ARFGEF2: variants seen among roughly 807,000 people sequenced by gnomAD.
ARFGEF2 encodes the protein brefeldin A-inhibited guanine nucleotide-exchange protein 2.
A neutral mutation model predicts 219.9 loss-of-function variants in ARFGEF2; 74 were observed. That is an observed-to-expected ratio of 0.34 (90% confidence interval 0.28 to 0.41). ARFGEF2 has a LOEUF of 0.41. Among genes scored for constraint, ARFGEF2 ranks in the 10% least tolerant of loss-of-function variants. The pLI is 1.00. For missense variants in ARFGEF2, 1,743 were observed against 2,218.3 expected, an observed-to-expected ratio of 0.79 and a Z score of 4.30; for synonymous variants, 733 against 799.2, an observed-to-expected ratio of 0.92 and a Z score of 1.40.
In ARFGEF2 at chr20:48,989,297, A is replaced by G; in HGVS notation, c.2546A>G (p.Glu849Gly). Residue 849 changes from glutamate (E) to glycine (G), a missense_variant, in exon 19 of 39, where the codon GAA becomes GGA. Glu to Gly is a moderately conservative substitution (Grantham distance 98). Transcript: ENST00000371917. ...TCTTACTTTACAGATGTAGCTAGTG[A>G]AAAGCAGCGGCGGCTGCTGTACAAC... ...TKSTKQNVASEKQRRLLYNLE... is the reference protein window; with the variant it reads ...TKSTKQNVASGKQRRLLYNLE... 1 of 1,614,216 alleles carries G rather than the reference A, an allele frequency of 6.2e-7. No homozygotes were observed. The highest frequency in any genetic ancestry group is 8.5e-7 in the Non-Finnish European group (1 of 1,180,042).
At position 49,004,835 on chromosome 20, in the gene ARFGEF2, G is replaced by A. The variant is rs4810909; in HGVS notation, c.3433-235G>A. ...TAATAAAATGAAATTTAAAAAAGCA[G>A]AAAGTAGCACATTTTAAATGCATAT... is the stretch of plus-strand genomic sequence containing the variant. On this transcript the variant is annotated intron_variant, in intron 25 of 38. Transcript: ENST00000371917. Among the ~76,000 whole-genome samples the A allele has an allele frequency of 0.68, 103,827 of 152,044 alleles. 36,843 individuals are homozygous for A. Among genetic ancestry groups the A allele is most frequent in the African/African-American group, 0.9 (37,252 of 41,520 alleles).
At chr20:48,963,026 A>G (rs531083203) in intron 6 of ARFGEF2, among the ~76,000 whole-genome samples, 30 of 152,152 alleles carry the variant, frequency 2.0e-4, no homozygotes, top group Middle Eastern at 3.4e-3. Flanking sequence ...TAGGCAACAT[A>G]GAGAAACCTC....
intron 3 of ARFGEF2, among the ~76,000 whole-genome samples, chr20:48,950,138 C>T (rs1177750147): frequency 6.6e-6 from 1 of 152,106 alleles, no homozygotes; most frequent in Non-Finnish European, 1.5e-5. Flanking sequence ...GCTGACATCC[C>T]GGTTGTGTGT....
At chr20:48,952,346 G>C (rs564087627) in intron 4 of ARFGEF2, among the ~76,000 whole-genome samples, 2 of 151,920 alleles carry the variant, frequency 1.3e-5, no homozygotes, top group Admixed American at 1.3e-4. Flanking sequence ...AATAGAGATG[G>C]GGTTTTACCA....
At chr20:48,925,043 C>G (rs1264871000) in intron 1 of ARFGEF2, among the ~76,000 whole-genome samples, 1 of 152,118 alleles carries the variant, frequency 6.6e-6, no homozygotes, top group African/African-American at 2.4e-5. Flanking sequence ...ACTTACTGCT[C>G]TATTTGGTTT....
chr20:48,944,041 G>T (rs923259488), intron 3 of ARFGEF2, among the ~76,000 whole-genome samples: 16 of 152,250 alleles, frequency 1.1e-4, no homozygotes, highest in South Asian at 6.2e-4. Context: ...TCTCTTCTTT[G>T]TTACATGTAC....
At chr20:48,939,768 A>G (rs1201534594) in intron 1 of ARFGEF2, among the ~76,000 whole-genome samples, 2 of 152,208 alleles carry the variant, frequency 1.3e-5, no homozygotes, top group African/African-American at 2.4e-5. Context: ...AGAAATTGCT[A>G]CTTCCAGTGA....
In ARFGEF2 at chr20:48,974,815, A is replaced by G. The variant is rs1299569776; in HGVS notation, c.1715A>G (p.Lys572Arg). 4.3e-6 allele frequency: 7 copies of G among 1,614,020 alleles called. No homozygotes were observed. The highest frequency in any genetic ancestry group is 3.3e-5 in the Admixed American group (2 of 60,006). The change falls in exon 13 of 39, where the codon AAG becomes AGG. Residue 572 changes from lysine (K) to arginine (R), a missense_variant. Lys to Arg is a conservative substitution (Grantham distance 26). Around this residue, in one of 5 missense-constraint regions of ARFGEF2, gnomAD observed 666 missense variants for 955.4 expected, o/e 0.70. Coordinates refer to ENST00000371917, the MANE Select transcript of ARFGEF2 (RefSeq NM_006420.3). The stretch of plus-strand genomic sequence containing the variant: ...CTGGAGTGCCTCGTGTCCATTCTCA[A>G]GTGCATGGTGGAGTGGAGCAAAGAC... ...KGLECLVSILKCMVEWSKDLY... is the reference protein window; with the variant it reads ...KGLECLVSILRCMVEWSKDLY...
In ARFGEF2 at chr20:48,963,866, T is replaced by A. The variant is rs2091170209; in HGVS notation, c.875T>A (p.Ile292Asn). Residue 292 changes from isoleucine (I) to asparagine (N), a missense_variant, in exon 7 of 39, where the codon ATC (isoleucine) becomes AAC (asparagine). Coordinates refer to ENST00000371917, the MANE Select transcript of ARFGEF2 (RefSeq NM_006420.3). Reference sequence around the variant, plus strand: ...GGAGCCCAGGAGGTGGTGAAGGACATCTTGGAAGATGTAGTCACATCTGCC... The same window carrying A: ...GGAGCCCAGGAGGTGGTGAAGGACAACTTGGAAGATGTAGTCACATCTGCC... ...DDGAQEVVKD[I>N]LEDVVTSAIK... 4.3e-6 allele frequency: 7 copies of A among 1,614,024 alleles called. No individual in the cohort carries two copies. Among genetic ancestry groups the A allele is most frequent in the Non-Finnish European group, 5.1e-6 (6 of 1,180,004 alleles).
At chr20:48,945,768 G>A (rs1305196508) in intron 3 of ARFGEF2, among the ~76,000 whole-genome samples, 1 of 152,298 alleles carries the variant, frequency 6.6e-6, no homozygotes, top group East Asian at 1.9e-4. Context: ...GAAGGCAGAG[G>A]CAGGAGAATT....
chr20:49,010,173 T>C (rs182180428), intron 26 of ARFGEF2, 59 bp from the exon 27 acceptor site: 237 of 1,570,994 alleles, frequency 1.5e-4, no homozygotes, highest in Non-Finnish European at 2.0e-4. Flanking sequence ...TGAGCTATGT[T>C]CATTTCTCTT....
intron 6 of ARFGEF2, among the ~76,000 whole-genome samples, chr20:48,956,971 C>T (rs764845264): frequency 1.3e-5 from 2 of 152,176 alleles, no homozygotes; most frequent in South Asian, 2.1e-4. Flanking sequence ...TGAATCTTAC[C>T]GCCCCACCAT....
In ARFGEF2 at chr20:48,953,754, G is replaced by T; in HGVS notation, c.802G>T (p.Gly268Ter). The change falls in exon 6 of 39, where the codon GGA becomes TGA. Residue 268 changes from glycine to a stop codon, truncating the protein, a stop_gained. Coordinates refer to ENST00000371917, the MANE Select transcript of ARFGEF2 (RefSeq NM_006420.3). LOFTEE classifies it high-confidence loss of function. ...TTCTGGAAAAGTAAGCACAGAAAAT[G>T]GAGACGCACCCAGAGAAAGAGGCTC... ...SDSGKVSTEN[G>*]DAPRERGSSL... is the part of the protein sequence containing the mutation. The T allele has an allele frequency of 6.2e-7, 1 of 1,614,162 alleles. No homozygotes were observed. Among genetic ancestry groups the T allele is most frequent in the Non-Finnish European group, 8.5e-7 (1 of 1,180,024 alleles).
chr20:49,006,877 G>GTTTTTTTTTTTTT (rs763801014), intron 26 of ARFGEF2, among the ~76,000 whole-genome samples: 1 of 147,030 alleles, frequency 6.8e-6, no homozygotes, highest in African/African-American at 2.5e-5. Context: ...GCCGTTGGAG[G>GTTTTTTTTTTTTT]TTTTTGTTTT....
intron 34 of ARFGEF2, among the ~76,000 whole-genome samples, chr20:49,021,587 C>T (rs1809746931): frequency 6.6e-6 from 1 of 152,092 alleles, no homozygotes. Flanking sequence ...GTGGCTCACA[C>T]CTGTAATCCT....
rs1269316652 is a variant in ARFGEF2 at position 48,960,945 on chromosome 20, T to C, written c.839-2885T>C. 2.6e-5 allele frequency among the ~76,000 whole-genome samples: 4 copies of C among 151,472 alleles called. No homozygotes were observed. In the East Asian group the frequency reaches 7.9e-4, roughly 30 times the overall value. ...AAATACAAAAATTAGCTGGGCATGG[T>C]GGTGCACACCTGTAGTCCCAGCTAC... is the stretch of plus-strand genomic sequence containing the variant. On this transcript the variant is annotated intron_variant, in intron 6 of 38. Transcript: ENST00000371917.
At chr20:49,017,629 A>G (rs2091539238) in intron 33 of ARFGEF2, 79 bp downstream of exon 33, 2 of 1,469,954 alleles carry the variant, frequency 1.4e-6, no homozygotes, top group Admixed American at 3.7e-5. Context: ...TATAGTTTGT[A>G]CTTTTTTTAA....
chr20:49,013,017 A>G (rs2123524838), intron 28 of ARFGEF2, among the ~76,000 whole-genome samples: 1 of 152,332 alleles, frequency 6.6e-6, no homozygotes, highest in African/African-American at 2.4e-5. Context: ...TCCTAGCTGT[A>G]TGACCTTGAG....
rs1568682531 is a variant in ARFGEF2 at position 48,921,847 on chromosome 20, G to GCCGC, written c.-34_-31dup. 2 of 1,487,504 alleles carry GCCGC rather than the reference G, an allele frequency of 1.3e-6. No homozygotes were observed. Among genetic ancestry groups the GCCGC allele is most frequent in the South Asian group, 1.3e-5 (1 of 79,088 alleles). 92.1% of individuals were successfully genotyped at this position (1,487,504 alleles called of 1,614,324 possible). A position where few individuals can be genotyped will look rare whatever the true frequency, so the allele number is the denominator to read the frequency against. Reference sequence around the variant, plus strand: ...CAGCCTAGCTCGCCATCTCGCTCACGCCGCCCGCCCGCGGGGCCGTCAGCC... The same window carrying GCCGC: ...CAGCCTAGCTCGCCATCTCGCTCACGCCGCCCGCCCGCCCGCGGGGCCGTCAGCC... On this transcript the variant is annotated 5_prime_UTR_variant, in exon 1 of 39. Transcript: ENST00000371917.
Sources: allele counts gnomAD v4.1 joint callset (sites outside exome capture counted in the v4.1 genomes callset), GRCh38; gene constraint gnomAD v4.1.1; regional missense constraint gnomAD v4.1.1; transcripts MANE v1.5; gene names NCBI Gene and HGNC (gene_info 2026-07-23, HGNC 2026-07-21).